Variants in CTNNA2 observed in about 807,000 individuals in gnomAD.
CTNNA2 encodes the protein catenin alpha 2.
A neutral mutation model predicts 101.0 loss-of-function variants in CTNNA2; 42 were observed. The ratio of observed to expected loss-of-function variants is 0.42; its 90% CI spans 0.32 to 0.54. The LOEUF (loss-of-function observed/expected upper bound fraction) is 0.54. Ranked by LOEUF, CTNNA2 falls within the 20% of genes least tolerant of loss-of-function variation. The probability of loss-of-function intolerance (pLI) is 0.14; values close to 1 mark genes in which losing one functional copy is unlikely to be tolerated. For missense variants in CTNNA2, 871 were observed against 1,223.1 expected, an observed-to-expected ratio of 0.71 and a Z score of 4.29; for synonymous variants, 450 against 456.4, an observed-to-expected ratio of 0.99 and a Z score of 0.18.
At chr2:79,393,421 A>G (rs1238515536) in intron 4 of CTNNA2, among the ~76,000 whole-genome samples, 2 of 152,088 alleles carry the variant, frequency 1.3e-5, no homozygotes, top group Non-Finnish European at 2.9e-5. Flanking sequence ...AGCCTCACTC[A>G]TTTGTTTATG....
At chr2:80,079,402 T>A (rs1415156829) in intron 7 of CTNNA2, among the ~76,000 whole-genome samples, 1 of 152,072 alleles carries the variant, frequency 6.6e-6, no homozygotes, top group African/African-American at 2.4e-5. Context: ...AGAGAAAAGA[T>A]TTCATAAATA....
intron 2 of CTNNA2, among the ~76,000 whole-genome samples, chr2:79,257,220 G>C (rs1017748444): frequency 2.0e-5 from 3 of 152,102 alleles, no homozygotes; most frequent in Admixed American, 6.6e-5. Context: ...ATAGCATGCT[G>C]AAGTTTCTGG....
At chr2:80,096,971 CTG>C (rs1244432093) in intron 7 of CTNNA2, among the ~76,000 whole-genome samples, 1 of 152,126 alleles carries the variant, frequency 6.6e-6, no homozygotes, top group Non-Finnish European at 1.5e-5. Context: ...ATTTGCCAGT[CTG>C]TGTCTTTTAA....
At chr2:79,634,610 C>T (rs1219220133) in intron 1 of CTNNA2, 1 of 152,148 alleles carries the variant, frequency 6.6e-6, no homozygotes, top group Non-Finnish European at 1.5e-5. Context: ...ATGGCACAGT[C>T]GAGGGAAGCA....
rs1034843156 is a variant in CTNNA2, at chr2:79,616,938, G to A, written c.-5-34614G>A. Among the ~76,000 whole-genome samples the A allele has an allele frequency of 6.1e-5, 9 of 147,820 alleles. No individual in the cohort carries two copies. In the South Asian group the frequency reaches 8.9e-4, roughly 15 times the overall value. ...TTTTTTCGAGACACAGTCTTGCTCC[G>A]TCACCCAGGCTGGGGTAGAATGGTG... On this transcript the variant is annotated intron_variant, in intron 1 of 18. Coordinates refer to ENST00000402739, the MANE Select transcript of CTNNA2 (RefSeq NM_001282597.3).
intron 4 of CTNNA2, among the ~76,000 whole-genome samples, chr2:79,450,991 G>T (rs1309311942): frequency 6.6e-6 from 1 of 152,052 alleles, no homozygotes; most frequent in Non-Finnish European, 1.5e-5. Context: ...CACTCACCCA[G>T]ATGAGGACAA....
intron 3 of CTNNA2, chr2:79,339,667 C>T (rs1320921360): frequency 6.6e-6 from 1 of 152,238 alleles, no homozygotes; most frequent in Non-Finnish European, 1.5e-5. Context: ...TGTCACACAG[C>T]TCACAGATCC....
intron 4 of CTNNA2, among the ~76,000 whole-genome samples, chr2:79,387,376 G>T (rs188532363): frequency 3.3e-5 from 5 of 152,084 alleles, no homozygotes; most frequent in African/African-American, 1.2e-4. Context: ...AGATTAGCTC[G>T]TCAGGGAATC....
chr2:80,397,393 T>C (rs1678112942), intron 8 of CTNNA2, among the ~76,000 whole-genome samples: 1 of 152,180 alleles, frequency 6.6e-6, no homozygotes, highest in African/African-American at 2.4e-5. Flanking sequence ...GTACCGTACC[T>C]GATATGGTTT....
chr2:79,954,245 A>G (rs1323075793), intron 7 of CTNNA2, among the ~76,000 whole-genome samples: 1 of 152,210 alleles, frequency 6.6e-6, no homozygotes, highest in East Asian at 1.9e-4. Context: ...TGATTTTGCT[A>G]CCTCAACACG....
chr2:80,410,166 C>G (rs759143215), intron 8 of CTNNA2, among the ~76,000 whole-genome samples: 15 of 152,162 alleles, frequency 9.9e-5, no homozygotes, highest in Non-Finnish European at 2.1e-4. Context: ...AGATGTGGCT[C>G]AATGTACAGC....
At chr2:79,998,609 ACCTTCCCAAACTTTAAAATTATGC>A (rs1488377662) in intron 7 of CTNNA2, among the ~76,000 whole-genome samples, 2 of 152,164 alleles carry the variant, frequency 1.3e-5, no homozygotes, top group Non-Finnish European at 2.9e-5. Flanking sequence ...TGAAAGATAA[ACCTTCCCAAACTTTAAAATTATGC>A]AGTGTTTTCA....
intron 9 of CTNNA2, among the ~76,000 whole-genome samples, chr2:80,510,753 A>G (rs1573081711): frequency 6.6e-6 from 1 of 152,202 alleles, no homozygotes; most frequent in East Asian, 1.9e-4. Context: ...AGAATATAGG[A>G]TCCTTGTGAC....
chr2:79,567,510 C>A (rs530843988), intron 1 of CTNNA2, among the ~76,000 whole-genome samples: 2 of 152,138 alleles, frequency 1.3e-5, no homozygotes, highest in South Asian at 2.1e-4. Context: ...ACTACCCTTC[C>A]CTTATTTTTC....
intron 9 of CTNNA2, among the ~76,000 whole-genome samples, chr2:80,535,371 G>A (rs1189751625): frequency 2.6e-5 from 4 of 152,246 alleles, no homozygotes; most frequent in Middle Eastern, 3.4e-3. Context: ...CTTTTATAGT[G>A]ACCTTTCAAT....
At chr2:79,598,970 G>A (rs1248581378) in intron 1 of CTNNA2, among the ~76,000 whole-genome samples, 1 of 151,898 alleles carries the variant, frequency 6.6e-6, no homozygotes, top group Non-Finnish European at 1.5e-5. Flanking sequence ...ATTTTGATTT[G>A]ATTTTTATGA....
At chr2:80,552,736 G>A (rs559317782) in intron 11 of CTNNA2, among the ~76,000 whole-genome samples, 1 of 152,208 alleles carries the variant, frequency 6.6e-6, no homozygotes, top group East Asian at 1.9e-4. Flanking sequence ...TTACTGTACT[G>A]AATACTGTAA....
At chr2:79,815,099 C>G (rs1677381330) in intron 3 of CTNNA2, among the ~76,000 whole-genome samples, 1 of 151,952 alleles carries the variant, frequency 6.6e-6, no homozygotes, top group African/African-American at 2.4e-5. Context: ...TATTCATGTC[C>G]TTAGGGCACT....
At chr2:79,689,727 T>C (rs992732518) in intron 2 of CTNNA2, among the ~76,000 whole-genome samples, 4 of 151,984 alleles carry the variant, frequency 2.6e-5, no homozygotes, top group Non-Finnish European at 4.4e-5. Flanking sequence ...AATGTAATAC[T>C]ATAGAAATTA....
Sources: gnomAD v4.1 joint callset for allele counts (sites outside exome capture counted in the v4.1 genomes callset) on GRCh38, gnomAD v4.1.1 for gene constraint, MANE v1.5 for transcripts, NCBI Gene and HGNC (gene_info 2026-07-23, HGNC 2026-07-21) for gene names.